VPS13B: variants seen among roughly 807,000 people sequenced by gnomAD.
VPS13B encodes the protein intermembrane lipid transfer protein VPS13B.
Under a neutral mutation model 426.4 loss-of-function variants are expected in VPS13B, and 285 were observed. That is an observed-to-expected ratio of 0.67 (90% CI 0.61 to 0.74). The LOEUF (loss-of-function observed/expected upper bound fraction) is 0.74, where lower values mean the gene tolerates loss of function less well. Ranked by LOEUF, VPS13B falls within the 30% of genes least tolerant of loss-of-function variation. The pLI is 0.00. For synonymous variants in VPS13B, 1,676 were observed against 1,676.4 expected, an observed-to-expected ratio of 1.00 and a Z score of 0.01; for missense variants, 4,537 against 4,782.6, an observed-to-expected ratio of 0.95 and a Z score of 1.51.
intron 23 of VPS13B, among the ~76,000 whole-genome samples, chr8:99,463,599 C>T (rs76482559): frequency 0.016 from 2,489 of 152,258 alleles, 31 homozygotes; most frequent in Middle Eastern, 0.037. Flanking sequence ...TGAAGATGGA[C>T]TAGATATCAT....
At chr8:99,875,323 C>T in intron 61 of VPS13B, 95 bp from the exon 62 acceptor site, 1 of 1,535,960 alleles carries the variant, frequency 6.5e-7, no homozygotes, top group South Asian at 1.1e-5. Flanking sequence ...ACCTAAAAGG[C>T]ATAATGTACA....
chr8:99,387,650 A>G (rs1240142543), intron 20 of VPS13B, among the ~76,000 whole-genome samples: 1 of 151,996 alleles, frequency 6.6e-6, no homozygotes, highest in Non-Finnish European at 1.5e-5. Flanking sequence ...GCCCCACCCC[A>G]CCATGGAAAA....
intron 19 of VPS13B, among the ~76,000 whole-genome samples, chr8:99,329,136 G>A (rs973641454): frequency 6.6e-6 from 1 of 151,984 alleles, no homozygotes; most frequent in African/African-American, 2.4e-5. Context: ...GCTCTTTCTG[G>A]ATTATAGACT....
At chr8:99,539,176 T>A (rs971672064) in intron 30 of VPS13B, among the ~76,000 whole-genome samples, 3 of 152,108 alleles carry the variant, frequency 2.0e-5, no homozygotes, top group Non-Finnish European at 4.4e-5. Context: ...GTGAAGAAAA[T>A]TTTAAAAATA....
intron 17 of VPS13B, among the ~76,000 whole-genome samples, chr8:99,200,570 C>A (rs1218376242): frequency 6.6e-6 from 1 of 152,046 alleles, no homozygotes; most frequent in African/African-American, 2.4e-5. Context: ...ATATTGTTAT[C>A]TGTCTTTTGT....
chr8:99,096,182 A>T, intron 3 of VPS13B, 130 bp from the exon 4 acceptor site: 1 of 1,038,588 alleles, frequency 9.6e-7, no homozygotes, highest in Non-Finnish European at 1.4e-6. Context: ...TAGTTTTTAG[A>T]GCTAAAAAAT....
chr8:99,766,749 C>A (rs1588695197), intron 39 of VPS13B, 25 bp from the exon 40 acceptor site: 1 of 1,600,914 alleles, frequency 6.2e-7, no homozygotes, highest in African/African-American at 1.3e-5. Flanking sequence ...TTTGCAACTT[C>A]TAAATTTTTT....
At chr8:99,596,606 A>G (rs964577077) in intron 33 of VPS13B, among the ~76,000 whole-genome samples, 1 of 151,960 alleles carries the variant, frequency 6.6e-6, no homozygotes, top group Non-Finnish European at 1.5e-5. Flanking sequence ...ATTAGAGCAT[A>G]GGGGAAATGA....
At chr8:99,013,502 C>T (rs1841430935) in intron 1 of VPS13B, among the ~76,000 whole-genome samples, 155 bp downstream of exon 1, 2 of 152,146 alleles carry the variant, frequency 1.3e-5, no homozygotes, top group African/African-American at 4.8e-5. Flanking sequence ...GGGGAGCCCG[C>T]CTCACTTCAT....
intron 21 of VPS13B, among the ~76,000 whole-genome samples, chr8:99,393,243 C>A: frequency 6.6e-6 from 1 of 152,058 alleles, no homozygotes; most frequent in Middle Eastern, 3.5e-3. Flanking sequence ...TCTGTATATG[C>A]GTGGAAAAGT....
chr8:99,634,216 T>C (rs1173304529), intron 33 of VPS13B, among the ~76,000 whole-genome samples: 2 of 151,968 alleles, frequency 1.3e-5, no homozygotes, highest in African/African-American at 4.8e-5. Flanking sequence ...GGTGGATACA[T>C]ATACTTTTTT....
intron 17 of VPS13B, among the ~76,000 whole-genome samples, chr8:99,273,267 TC>T (rs1210107003): frequency 6.6e-6 from 1 of 151,552 alleles, no homozygotes; most frequent in African/African-American, 2.4e-5. Flanking sequence ...CAGGTGATTC[TC>T]CTGCCTCAGC....
rs2132581494 is a variant in VPS13B, at chr8:99,143,145, C to T, written c.1823C>T (p.Pro608Leu). 6 of 1,613,930 alleles carry T rather than the reference C, an allele frequency of 3.7e-6. No individual in the cohort carries two copies. The highest frequency in any genetic ancestry group is 5.1e-6 in the Non-Finnish European group (6 of 1,179,946). Residue 608 changes from proline to leucine, a missense_variant, in exon 13 of 62, where the codon CCA (proline) becomes CTA (leucine). Physicochemically the swap from Pro to Leu is moderately conservative, Grantham distance 98. Around this residue, in one of 2 missense-constraint regions of VPS13B, gnomAD observed 4,311 missense variants for 4,474.3 expected, o/e 0.96. Coordinates refer to ENST00000357162, the MANE Select transcript of VPS13B (RefSeq NM_152564.5). ...IVCALEHEYEPYSRLKSDIKD... is the reference protein window; with the variant it reads ...IVCALEHEYELYSRLKSDIKD... The stretch of plus-strand genomic sequence containing the variant: ...TGTGCCTTGGAACATGAATATGAAC[C>T]ATATAGCAGGCTAAAATCAGGTTTG...
intron 22 of VPS13B, among the ~76,000 whole-genome samples, chr8:99,439,030 A>G (rs977278608): frequency 2.0e-5 from 3 of 152,164 alleles, no homozygotes. Flanking sequence ...CCCCATTAAC[A>G]GATGAGGAAA....
At chr8:99,318,342 G>A (rs1021302478) in intron 19 of VPS13B, among the ~76,000 whole-genome samples, 1 of 151,790 alleles carries the variant, frequency 6.6e-6, no homozygotes, top group Non-Finnish European at 1.5e-5. Context: ...AGAGATTGAT[G>A]AATAAATTCC....
chr8:99,549,168 G>C (rs1824146325), intron 30 of VPS13B, among the ~76,000 whole-genome samples: 1 of 152,042 alleles, frequency 6.6e-6, no homozygotes, highest in South Asian at 2.1e-4. Context: ...GTTTTTCTTG[G>C]CTTAGAAAGT....
intron 17 of VPS13B, among the ~76,000 whole-genome samples, chr8:99,234,815 A>C (rs1816552119): frequency 6.6e-6 from 1 of 152,238 alleles, no homozygotes; most frequent in Non-Finnish European, 1.5e-5. Context: ...AAGTCTCCCA[A>C]AGTAATGCCC....
chr8:99,614,511 C>A (rs1827995284), intron 33 of VPS13B, among the ~76,000 whole-genome samples: 1 of 152,156 alleles, frequency 6.6e-6, no homozygotes, highest in Admixed American at 6.5e-5. Context: ...TGCCCAACCT[C>A]AAGTGATCCG....
chr8:99,105,884 A>G (rs1847017835), intron 5 of VPS13B, among the ~76,000 whole-genome samples: 1 of 152,156 alleles, frequency 6.6e-6, no homozygotes, highest in South Asian at 2.1e-4. Flanking sequence ...GACTGCTTCT[A>G]ACTTGCCAGT....
Sources: allele counts gnomAD v4.1 joint callset (sites outside exome capture counted in the v4.1 genomes callset), GRCh38; gene constraint gnomAD v4.1.1; regional missense constraint gnomAD v4.1.1; transcripts MANE v1.5; gene names NCBI Gene and HGNC (gene_info 2026-07-23, HGNC 2026-07-21).